The following EMILIN2 variants were observed in gnomAD, a reference collection of about 807,000 sequenced individuals.
The protein encoded by EMILIN2 is EMILIN-2.
A neutral mutation model predicts 87.1 loss-of-function variants in EMILIN2; 71 were observed. That is an observed-to-expected ratio of 0.82 (90% confidence interval 0.67 to 0.99). EMILIN2 has a LOEUF of 0.99. EMILIN2 is among the 50% of genes least tolerant of loss of function. The pLI is 0.00. For missense variants in EMILIN2, 1,407 were observed against 1,371.8 expected (o/e 1.03, Z -0.40); for synonymous variants, 581 against 563.4 (o/e 1.03, Z -0.44).
intron 4 of EMILIN2, among the ~76,000 whole-genome samples, chr18:2,905,441 C>T (rs1300917461): frequency 6.6e-6 from 1 of 151,774 alleles, no homozygotes; most frequent in Non-Finnish European, 1.5e-5. Flanking sequence ...GTATAATAAT[C>T]GGGGTAATAG....
intron 2 of EMILIN2, among the ~76,000 whole-genome samples, chr18:2,879,000 A>T (rs1312526160): frequency 6.6e-6 from 1 of 152,194 alleles, no homozygotes; most frequent in Non-Finnish European, 1.5e-5. Context: ...TGCTGTAAAC[A>T]CAAGGCAAGG....
At chr18:2,906,737 G>T (rs1027836178) in intron 4 of EMILIN2, 46 bp from the exon 5 acceptor site, 129 of 1,237,722 alleles carry the variant, frequency 1.0e-4, no homozygotes, top group Non-Finnish European at 1.3e-4. Context: ...AGTCAGGGCT[G>T]AGGTTTCCTA....
intron 2 of EMILIN2, among the ~76,000 whole-genome samples, chr18:2,874,078 T>G (rs2076735671): frequency 6.6e-6 from 1 of 151,642 alleles, no homozygotes; most frequent in African/African-American, 2.4e-5. Flanking sequence ...AAAAGTCCGT[T>G]GGCCACCCTG....
At chr18:2,909,308 C>T (rs1212231197) in intron 6 of EMILIN2, among the ~76,000 whole-genome samples, 2 of 152,228 alleles carry the variant, frequency 1.3e-5, no homozygotes, top group Non-Finnish European at 2.9e-5. Flanking sequence ...CCAGGTTTTA[C>T]TGATTTATTA....
At chr18:2,879,060 C>T (rs1279521967) in intron 2 of EMILIN2, among the ~76,000 whole-genome samples, 1 of 152,114 alleles carries the variant, frequency 6.6e-6, no homozygotes, top group African/African-American at 2.4e-5. Flanking sequence ...GGATGATTCC[C>T]TCTGGGACAT....
In EMILIN2 at chr18:2,909,835, G is replaced by T. The variant is rs1438033908; in HGVS notation, c.2824+16G>T. 3 of 1,611,014 alleles carry T rather than the reference G, an allele frequency of 1.9e-6. No individual in the cohort carries two copies. In the South Asian group the frequency reaches 3.3e-5, roughly 18 times the overall value. On this transcript the variant is annotated intron_variant, in intron 7 of 7. Coordinates refer to ENST00000254528, the MANE Select transcript of EMILIN2 (RefSeq NM_032048.3). ...CCCAGCACCGGTGAGTGTTTGAACGGAACTGGTACTGTGTCCTCCTCCTAC... is the reference window on the plus strand; with the variant it reads ...CCCAGCACCGGTGAGTGTTTGAACGTAACTGGTACTGTGTCCTCCTCCTAC...
intron 7 of EMILIN2, among the ~76,000 whole-genome samples, chr18:2,912,306 G>A (rs1568488620): frequency 6.6e-6 from 1 of 152,218 alleles, no homozygotes; most frequent in East Asian, 1.9e-4. Flanking sequence ...CTCCCAAAGT[G>A]CTGGGATTAC....
At chr18:2,907,492 C>CCTGAGCTCT (rs1338977683) in intron 5 of EMILIN2, among the ~76,000 whole-genome samples, 1 of 152,204 alleles carries the variant, frequency 6.6e-6, no homozygotes, top group Non-Finnish European at 1.5e-5. Context: ...GGGGCAGCTT[C>CCTGAGCTCT]CTGAGCTCTC....
At chr18:2,912,244 T>C (rs902048294) in intron 7 of EMILIN2, among the ~76,000 whole-genome samples, 3 of 152,006 alleles carry the variant, frequency 2.0e-5, no homozygotes, top group African/African-American at 7.2e-5. Flanking sequence ...GTTATCCGTG[T>C]TGGCCAGGCT....
chr18:2,897,568 A>T (rs1334587976), intron 4 of EMILIN2, among the ~76,000 whole-genome samples: 1 of 152,192 alleles, frequency 6.6e-6, no homozygotes, highest in East Asian at 1.9e-4. Flanking sequence ...TAGACAGTAT[A>T]AAAAGCCTTA....
At chr18:2,903,962 T>G (rs896289902) in intron 4 of EMILIN2, among the ~76,000 whole-genome samples, 8 of 152,204 alleles carry the variant, frequency 5.3e-5, no homozygotes, top group Admixed American at 4.6e-4. Context: ...TTTACTCCCT[T>G]GTTTCAGTAG....
chr18:2,895,449 G>T (rs956629477), intron 4 of EMILIN2, among the ~76,000 whole-genome samples: 1 of 152,146 alleles, frequency 6.6e-6, no homozygotes, highest in Admixed American at 6.5e-5. Context: ...AATCTTGCTG[G>T]CTTAAAACAA....
In EMILIN2 at chr18:2,890,435, A is replaced by C; in HGVS notation, c.434-126A>C. ...TTCTACTGTACCACAGTACTTACCTACAATTGTGTAGTGACCTGTAAGTGA... is the reference window on the plus strand; with the variant it reads ...TTCTACTGTACCACAGTACTTACCTCCAATTGTGTAGTGACCTGTAAGTGA... On this transcript the variant is annotated intron_variant, in intron 3 of 7. Transcript: ENST00000254528. This position sits in a 1 kb window ranked among gnomAD's most constrained non-coding sequence, Gnocchi z 4.7. 2 of 1,125,310 alleles carry C rather than the reference A, an allele frequency of 1.8e-6. No homozygotes were observed. Among genetic ancestry groups the C allele is most frequent in the Non-Finnish European group, 2.5e-6 (2 of 799,722 alleles). 69.7% of individuals were successfully genotyped at this position (1,125,310 alleles called of 1,614,324 possible). A position where few individuals can be genotyped will look rare whatever the true frequency, so the allele number is the denominator to read the frequency against.
Position 2,913,408 on chromosome 18 carries a change from G to A in EMILIN2, c.*4G>A, listed in dbSNP as rs1489814466. On this transcript the variant is annotated 3_prime_UTR_variant, in exon 8 of 8. Transcript: ENST00000254528. ...TCCTTTCCTTTCCCACCTCTAAGGTGGCTGGGGAGATGTCAGGGGAAAGAT... is the reference window on the plus strand; with the variant it reads ...TCCTTTCCTTTCCCACCTCTAAGGTAGCTGGGGAGATGTCAGGGGAAAGAT... 2.5e-6 allele frequency: 4 copies of A among 1,570,442 alleles called. No homozygotes were observed. Among genetic ancestry groups the A allele is most frequent in the Non-Finnish European group, 3.4e-6 (4 of 1,159,824 alleles).
chr18:2,848,201 C>T lies in EMILIN2; in HGVS notation c.257+270C>T, dbSNP rs898829964. ...CGTAGGAGAGGATGAACAAAGCTCC[C>T]ACTCCCACTTCTGTTTTCTCCCTTT... On this transcript the variant is annotated intron_variant, in intron 2 of 7. Coordinates refer to ENST00000254528, the MANE Select transcript of EMILIN2 (RefSeq NM_032048.3). This position sits in a 1 kb window ranked among gnomAD's most constrained non-coding sequence, Gnocchi z 4.1. Among the ~76,000 whole-genome samples, 4 of 152,234 alleles carry T rather than the reference C, an allele frequency of 2.6e-5. No homozygotes were observed. The highest frequency in any genetic ancestry group is 9.6e-5 in the African/African-American group (4 of 41,462).
chr18:2,878,965 T>G (rs911882828), intron 2 of EMILIN2, among the ~76,000 whole-genome samples: 1 of 152,132 alleles, frequency 6.6e-6, no homozygotes, highest in African/African-American at 2.4e-5. Flanking sequence ...TTTAGTAGCC[T>G]GTGTCAAAAT....
At chr18:2,895,403 G>T (rs1316751102) in intron 4 of EMILIN2, among the ~76,000 whole-genome samples, 4 of 152,188 alleles carry the variant, frequency 2.6e-5, no homozygotes, top group African/African-American at 9.7e-5. Flanking sequence ...GGACATTGTG[G>T]ATTAGCTATT....
chr18:2,905,371 G>A (rs1428171054), intron 4 of EMILIN2, among the ~76,000 whole-genome samples: 1 of 150,976 alleles, frequency 6.6e-6, no homozygotes, highest in Non-Finnish European at 1.5e-5. Context: ...GTTGTTATGT[G>A]TACAGAGTAG....
chr18:2,893,334 G>C (rs1478718454), intron 4 of EMILIN2, among the ~76,000 whole-genome samples: 1 of 151,002 alleles, frequency 6.6e-6, no homozygotes, highest in Non-Finnish European at 1.5e-5. Flanking sequence ...ATCATCTTCA[G>C]GGCTTAGCTG....
Sources: gnomAD v4.1 joint callset for allele counts (sites outside exome capture counted in the v4.1 genomes callset) on GRCh38, gnomAD v4.1.1 for gene constraint, Gnocchi (gnomAD v3.1) non-coding constraint, MANE v1.5 for transcripts, NCBI Gene and HGNC (gene_info 2026-07-23, HGNC 2026-07-21) for gene names.